The following TENM3 variants were observed in gnomAD, a reference collection of about 807,000 sequenced individuals.
TENM3 encodes teneurin-3.
TENM3 carries 63 observed loss-of-function variants against 255.1 expected under a neutral mutation model. The observed-to-expected ratio is 0.25, with a 90% CI of 0.20 to 0.30. The LOEUF (loss-of-function observed/expected upper bound fraction) is 0.30. Ranked by LOEUF, TENM3 falls within the 10% of genes least tolerant of loss-of-function variation. The probability of loss-of-function intolerance (pLI) is 1.00; values close to 1 mark genes in which losing one functional copy is unlikely to be tolerated. For missense variants in TENM3, 2,929 were observed against 3,461.1 expected (o/e 0.85, Z 3.86); for synonymous variants, 1,306 against 1,322.3 (o/e 0.99, Z 0.27).
At chr4:182,455,553 C>CTTTT (rs568361419) in intron 3 of TENM3, among the ~76,000 whole-genome samples, 3 of 73,138 alleles carry the variant, frequency 4.1e-5, no homozygotes, top group African/African-American at 5.3e-5. Context: ...CATGGTATTT[C>CTTTT]TTTTTTTTTT....
At chr4:182,492,786 C>T (rs1000651905) in intron 3 of TENM3, among the ~76,000 whole-genome samples, 2 of 152,020 alleles carry the variant, frequency 1.3e-5, no homozygotes, top group African/African-American at 4.8e-5. Context: ...GTTACAGCAT[C>T]AAGATATCAT....
chr4:182,553,179 C>T (rs1410506267), intron 3 of TENM3, among the ~76,000 whole-genome samples: 1 of 152,130 alleles, frequency 6.6e-6, no homozygotes, highest in Non-Finnish European at 1.5e-5. Flanking sequence ...ACTGCAGCCT[C>T]GAGCATCTGG....
In TENM3 at chr4:182,772,284, T is replaced by C. The variant is rs59113421; in HGVS notation, c.4893-1188T>C. 8.6e-3 allele frequency among the ~76,000 whole-genome samples: 1,305 copies of C among 152,356 alleles called. 13 individuals carry two copies. The highest frequency in any genetic ancestry group is 0.027 in the Middle Eastern group (8 of 292). ...CCAAATATCACTCAAGTACCTTTTT[T>C]ACTCCTCACTCCTGTGTGGCCCCGT... On this transcript the variant is annotated intron_variant, in intron 22 of 27. Coordinates refer to ENST00000511685, the MANE Select transcript of TENM3 (RefSeq NM_001080477.4).
At chr4:181,941,181 C>G in the TENM3 span, among the ~76,000 whole-genome samples, 3 of 152,252 alleles carry the variant, frequency 2.0e-5, no homozygotes, top group African/African-American at 7.2e-5. Flanking sequence ...TCATGTGTAT[C>G]CCTCCATCAG....
rs553097925 is a variant in TENM3, at chr4:182,237,304, G to T, written c.-75-86642G>T. 5.3e-5 allele frequency among the ~76,000 whole-genome samples: 8 copies of T among 152,074 alleles called. No individual in the cohort carries two copies. In the South Asian group the frequency reaches 1.7e-3, roughly 32 times the overall value. ...CTTTGCTATTGTGAATAGTGCTGCA[G>T]TAAACATACATATGCATGTATCTTT... On this transcript the variant is annotated intron_variant, in intron 1 of 2. Coordinates refer to the TENM3 transcript ENST00000512480.
chr4:182,565,658 A>T (rs895926461), intron 3 of TENM3, among the ~76,000 whole-genome samples: 4 of 152,306 alleles, frequency 2.6e-5, no homozygotes, highest in African/African-American at 9.6e-5. Flanking sequence ...GTACCCTTTT[A>T]AGTATCCAGA....
At chr4:182,693,650 A>C (rs1757173670) in intron 12 of TENM3, among the ~76,000 whole-genome samples, 1 of 152,134 alleles carries the variant, frequency 6.6e-6, no homozygotes, top group Non-Finnish European at 1.5e-5. Context: ...GCAATGTAAA[A>C]TGGCTATAAT....
the TENM3 span, among the ~76,000 whole-genome samples, chr4:182,033,702 T>C: frequency 6.6e-6 from 1 of 152,212 alleles, no homozygotes; most frequent in Non-Finnish European, 1.5e-5. Flanking sequence ...GAACCTGTTT[T>C]ATGAAGCTGG....
the TENM3 span, among the ~76,000 whole-genome samples, chr4:181,590,520 G>A: frequency 9.4e-4 from 143 of 152,200 alleles, 1 homozygote; most frequent in African/African-American, 3.3e-3. Flanking sequence ...GGACAGCTAG[G>A]GGCACCATCC....
chr4:182,470,179 C>A (rs1447946233), intron 3 of TENM3, among the ~76,000 whole-genome samples: 1 of 152,142 alleles, frequency 6.6e-6, no homozygotes, highest in East Asian at 1.9e-4. Flanking sequence ...CTAAGCAAGT[C>A]ATTTATTAAC....
chr4:182,136,119 G>A, the TENM3 span, among the ~76,000 whole-genome samples: 26 of 152,044 alleles, frequency 1.7e-4, no homozygotes, highest in Admixed American at 6.5e-4. Flanking sequence ...GAGCACTACA[G>A]TATCAAGTTG....
intron 3 of TENM3, among the ~76,000 whole-genome samples, chr4:182,471,817 G>A (rs1733152799): frequency 6.6e-6 from 1 of 152,028 alleles, no homozygotes; most frequent in Non-Finnish European, 1.5e-5. Context: ...TTATTCACCT[G>A]TTTTCTTAAA....
At chr4:182,057,483 T>C in the TENM3 span, among the ~76,000 whole-genome samples, 257 of 150,686 alleles carry the variant, frequency 1.7e-3, 1 homozygote, top group African/African-American at 5.7e-3. Context: ...TGATCGTGGC[T>C]CACTGCAGCC....
At chr4:182,138,895 T>C in the TENM3 span, among the ~76,000 whole-genome samples, 1 of 152,228 alleles carries the variant, frequency 6.6e-6, no homozygotes, top group Non-Finnish European at 1.5e-5. Context: ...TAAAACGATG[T>C]CCCATTAAAA....
In TENM3 at chr4:182,601,219, T is replaced by C; in HGVS notation, c.749+58T>C. On this transcript the variant is annotated intron_variant, in intron 4 of 27. Transcript: ENST00000511685. ...AACCCTTTTCTCACCAGGAGCAATTTACTATACTTACATATTCTGGTGTGG... is the reference window on the plus strand; with the variant it reads ...AACCCTTTTCTCACCAGGAGCAATTCACTATACTTACATATTCTGGTGTGG... 3 of 1,334,582 alleles carry C rather than the reference T, an allele frequency of 2.2e-6. No homozygotes were observed. The South Asian group carries it at 3.6e-5, about 16-fold the overall frequency. 82.7% of individuals were successfully genotyped at this position (1,334,582 alleles called of 1,614,324 possible).
chr4:181,611,741 A>G, the TENM3 span, among the ~76,000 whole-genome samples: 1 of 152,262 alleles, frequency 6.6e-6, no homozygotes, highest in Non-Finnish European at 1.5e-5. Context: ...ACTCAGGGCT[A>G]CTAGAGATTA....
intron 3 of TENM3, among the ~76,000 whole-genome samples, chr4:182,575,441 G>A (rs565932662): frequency 1.3e-5 from 2 of 152,270 alleles, no homozygotes; most frequent in African/African-American, 2.4e-5. Context: ...GTACATGAAC[G>A]AGTGGCGGCT....
At chr4:181,658,961 G>C in the TENM3 span, among the ~76,000 whole-genome samples, 1 of 152,010 alleles carries the variant, frequency 6.6e-6, no homozygotes, top group Admixed American at 6.6e-5. Flanking sequence ...TTGAGTGAGG[G>C]CTAGGAAAAG....
chr4:181,592,218 A>T, the TENM3 span, among the ~76,000 whole-genome samples: 1 of 134,254 alleles, frequency 7.4e-6, no homozygotes, highest in East Asian at 2.3e-4. Context: ...GCCATTTCTT[A>T]TGTGTCCATT....
Sources: allele counts gnomAD v4.1 joint callset (sites outside exome capture counted in the v4.1 genomes callset), GRCh38; gene constraint gnomAD v4.1.1; transcripts MANE v1.5; gene names NCBI Gene and HGNC (gene_info 2026-07-23, HGNC 2026-07-21).